SARDH: variants seen among roughly 807,000 people sequenced by gnomAD.
The protein encoded by SARDH is sarcosine dehydrogenase, mitochondrial.
Under a neutral mutation model 109.1 loss-of-function variants are expected in SARDH, and 95 were observed. The observed-to-expected ratio is 0.87, with a 90% CI of 0.74 to 1.03. SARDH has a LOEUF of 1.03. Ranked by LOEUF, SARDH falls within the 50% of genes least tolerant of loss-of-function variation. The probability of loss-of-function intolerance (pLI) is 0.00; values close to 1 mark genes in which losing one functional copy is unlikely to be tolerated. For missense variants in SARDH, 1,267 were observed against 1,287.8 expected, an observed-to-expected ratio of 0.98 and a Z score of 0.25; for synonymous variants, 572 against 534.8, an observed-to-expected ratio of 1.07 and a Z score of -0.96.
At chr9:133,665,392 C>T (rs577564606) in intron 20 of SARDH, among the ~76,000 whole-genome samples, 4 of 152,340 alleles carry the variant, frequency 2.6e-5, no homozygotes, top group Admixed American at 6.5e-5. Flanking sequence ...GGACCATGGC[C>T]CCAGGGCTGT....
intron 17 of SARDH, among the ~76,000 whole-genome samples, chr9:133,675,233 C>T (rs926978689): frequency 6.6e-6 from 1 of 152,050 alleles, no homozygotes; most frequent in African/African-American, 2.4e-5. Context: ...TGCCTGTAGT[C>T]CCAGCTACTC....
At chr9:133,677,710 G>A (rs1048862580) in intron 17 of SARDH, among the ~76,000 whole-genome samples, 70 of 152,216 alleles carry the variant, frequency 4.6e-4, no homozygotes, top group African/African-American at 1.6e-3. Context: ...CTGGCTGGGG[G>A]CAAGGGCTCA....
chr9:133,706,483 G>T (rs1484222427), intron 11 of SARDH, among the ~76,000 whole-genome samples: 1 of 152,212 alleles, frequency 6.6e-6, no homozygotes. Flanking sequence ...ACTGGGGATG[G>T]TGTTTCCCTG....
chr9:133,734,452 T>TTCATTCAC (rs1832813211), intron 1 of SARDH, among the ~76,000 whole-genome samples: 2 of 145,356 alleles, frequency 1.4e-5, no homozygotes, highest in Non-Finnish European at 2.9e-5. Flanking sequence ...CATTCATTCA[T>TTCATTCAC]TCATTCACTC....
chr9:133,662,154 G>T (rs1588358950), downstream of SARDH, among the ~76,000 whole-genome samples: 1 of 152,102 alleles, frequency 6.6e-6, no homozygotes, highest in Non-Finnish European at 1.5e-5. The surrounding 1 kb of genome is among the most constrained non-coding windows in gnomAD (Gnocchi z 5.1). Flanking sequence ...ACAGGGAGGG[G>T]TGCTGGGTTC....
intron 17 of SARDH, among the ~76,000 whole-genome samples, chr9:133,674,550 C>T (rs1483922993): frequency 6.6e-6 from 1 of 152,196 alleles, no homozygotes; most frequent in East Asian, 1.9e-4. Context: ...AACTATTAAA[C>T]GAAATCAGCA....
intron 1 of SARDH, 112 bp from the exon 2 acceptor site, chr9:133,734,315 G>T: frequency 1.8e-6 from 1 of 545,848 alleles, no homozygotes; most frequent in Non-Finnish European, 2.9e-6. Flanking sequence ...CCTTCCTCTT[G>T]CCACTTCCCC....
intron 6 of SARDH, among the ~76,000 whole-genome samples, chr9:133,726,368 A>AAATAATAATAATAATAATACTAATAAT (rs1832489952): frequency 4.4e-5 from 5 of 114,144 alleles, no homozygotes; most frequent in Non-Finnish European, 9.0e-5. Flanking sequence ...ACCCTGTCTC[A>AAATAATAATAATAATAATACTAATAAT]AATAATAATA....
rs554602110 is a variant in SARDH at position 133,677,967 on chromosome 9, G to A, written c.2164-6270C>T. On this transcript the variant is annotated intron_variant, in intron 17 of 20. Transcript: ENST00000439388. ...ACACTTAGGCAAGCGCCACTACTAT[G>A]ACCATGGCTATCTCCCTCCAAATTG... is the stretch of plus-strand genomic sequence containing the variant. 3.3e-4 allele frequency among the ~76,000 whole-genome samples: 50 copies of A among 152,356 alleles called. No individual in the cohort carries two copies. The South Asian group carries it at 6.2e-3, about 19-fold the overall frequency.
rs1211631506 is a variant in SARDH, at chr9:133,669,308, A to C, written c.2495+1276T>G. ...TCTCCCTCACCCTCCCTCTCCCCTC[A>C]TCCTCCCTCACCCTCCCTCTCCCTC... On this transcript the variant is annotated intron_variant, in intron 19 of 20. Coordinates refer to ENST00000439388, the MANE Select transcript of SARDH (RefSeq NM_001134707.2). Among the ~76,000 whole-genome samples the C allele has an allele frequency of 1.1e-3, 19 of 17,548 alleles. No homozygotes were observed. The South Asian group carries it at 0.013, about 12-fold the overall frequency. The allele number at this position is 17,548 out of a possible 152,430, so 11.5% of individuals were successfully genotyped here. A position where few individuals can be genotyped will look rare whatever the true frequency, so the allele number is the denominator to read the frequency against.
intron 8 of SARDH, among the ~76,000 whole-genome samples, chr9:133,716,363 G>C (rs571031546): frequency 2.6e-5 from 4 of 152,246 alleles, no homozygotes; most frequent in Non-Finnish European, 5.9e-5. Context: ...TGGGGTCACC[G>C]GTAGCTCCTG....
At chr9:133,673,758 G>A (rs1322017937) in intron 17 of SARDH, among the ~76,000 whole-genome samples, 2 of 152,276 alleles carry the variant, frequency 1.3e-5, no homozygotes, top group South Asian at 2.1e-4. Flanking sequence ...AGGAGCTCGG[G>A]GCTCAAAACC....
rs1034488724 is a variant in SARDH at position 133,693,378 on chromosome 9, G to T, written c.1921+880C>A. Reference sequence around the variant, plus strand: ...GGGGCTCGACACTGACCGAGTCCCAGTGAGGAAACAACTACATTTGCCAGC... The same window carrying T: ...GGGGCTCGACACTGACCGAGTCCCATTGAGGAAACAACTACATTTGCCAGC... On this transcript the variant is annotated intron_variant, in intron 15 of 20. Coordinates refer to ENST00000439388, the MANE Select transcript of SARDH (RefSeq NM_001134707.2). The surrounding 1 kb of genome is among the most constrained non-coding windows in gnomAD (Gnocchi z 5.6). 1.3e-5 allele frequency among the ~76,000 whole-genome samples: 2 copies of T among 152,162 alleles called. No homozygotes were observed. Among genetic ancestry groups the T allele is most frequent in the South Asian group, 2.1e-4 (1 of 4,834 alleles).
Position 133,694,346 on chromosome 9 carries a change from G to A in SARDH, c.1833C>T (p.Leu611=), listed in dbSNP as rs899211578. ...PPGSTVYTCM[L]NHRGGTESDL... is the part of the protein sequence containing the mutation. ...CACTCTCGGTGCCCCCACGGTGGTT[G>A]AGCATGCACGTGTACACGGTGGAGC... Residue 611 remains leucine (L), a synonymous_variant, in exon 15 of 21, where the codon CTC becomes CTT. Coordinates refer to ENST00000439388, the MANE Select transcript of SARDH (RefSeq NM_001134707.2). 2 of 1,550,728 alleles carry A rather than the reference G, an allele frequency of 1.3e-6. No individual in the cohort carries two copies. Among genetic ancestry groups the A allele is most frequent in the East Asian group, 2.4e-5 (1 of 40,920 alleles).
At chr9:133,725,103 G>A (rs889891275) in intron 6 of SARDH, among the ~76,000 whole-genome samples, 5 of 152,152 alleles carry the variant, frequency 3.3e-5, no homozygotes, top group Non-Finnish European at 5.9e-5. Flanking sequence ...GGACAAAACC[G>A]TAAAAAGAAG....
intron 13 of SARDH, among the ~76,000 whole-genome samples, chr9:133,699,207 G>T (rs145244838): frequency 0.014 from 2,174 of 152,246 alleles, 56 homozygotes; most frequent in African/African-American, 0.05. Context: ...TTAGCTGGGC[G>T]TGGTGGTGCA....
At chr9:133,687,825 G>A (rs1236399040) in intron 16 of SARDH, among the ~76,000 whole-genome samples, 1 of 152,194 alleles carries the variant, frequency 6.6e-6, no homozygotes, top group African/African-American at 2.4e-5. Flanking sequence ...TTTATCAGCA[G>A]CACCAGTATT....
At chr9:133,722,280 T>G (rs1243698513) in intron 6 of SARDH, among the ~76,000 whole-genome samples, 1 of 150,026 alleles carries the variant, frequency 6.7e-6, no homozygotes, top group Non-Finnish European at 1.5e-5. Context: ...GAGAAGCATT[T>G]GACAGAATCC....
intron 10 of SARDH, 137 bp from the exon 11 acceptor site, chr9:133,708,565 T>C: frequency 8.8e-7 from 1 of 1,137,646 alleles, no homozygotes; most frequent in Middle Eastern, 2.7e-4. Flanking sequence ...AGCGGGCCCC[T>C]GACTCTCCAT....
Sources: gnomAD v4.1 joint callset for allele counts (sites outside exome capture counted in the v4.1 genomes callset) on GRCh38, gnomAD v4.1.1 for gene constraint, Gnocchi (gnomAD v3.1) non-coding constraint, MANE v1.5 for transcripts, NCBI Gene and HGNC (gene_info 2026-07-23, HGNC 2026-07-21) for gene names.